Variants in CDH18 observed in about 807,000 individuals in gnomAD.
The protein encoded by CDH18 is cadherin 18.
CDH18 carries 31 observed loss-of-function variants against 67.9 expected under a neutral mutation model. The ratio of observed to expected loss-of-function variants is 0.46; its 90% CI spans 0.34 to 0.62. CDH18 has a LOEUF of 0.62. Among genes scored for constraint, CDH18 ranks in the 20% least tolerant of loss-of-function variants. The pLI is 0.01. For missense variants in CDH18, 890 were observed against 975.5 expected (o/e 0.91, Z 1.17); for synonymous variants, 362 against 347.2 (o/e 1.04, Z -0.48).
intron 2 of CDH18, among the ~76,000 whole-genome samples, chr5:20,161,743 G>A (rs745614752): frequency 5.3e-5 from 8 of 152,104 alleles, no homozygotes; most frequent in East Asian, 1.9e-4. Context: ...CTGTGAGCTC[G>A]TTTTCCACTG....
At chr5:20,179,215 G>A (rs1468819801) in intron 2 of CDH18, among the ~76,000 whole-genome samples, 1 of 152,048 alleles carries the variant, frequency 6.6e-6, no homozygotes, top group African/African-American at 2.4e-5. Flanking sequence ...ATATGAAGAA[G>A]CTTCCATGAA....
intron 2 of CDH18, among the ~76,000 whole-genome samples, chr5:20,004,810 A>G (rs1736755334): frequency 6.6e-6 from 1 of 152,218 alleles, no homozygotes; most frequent in South Asian, 2.1e-4. Flanking sequence ...ACATGAATAT[A>G]AAGAGGAATA....
At chr5:19,535,119 T>C (rs186142098) in intron 9 of CDH18, among the ~76,000 whole-genome samples, 20 of 152,314 alleles carry the variant, frequency 1.3e-4, no homozygotes, top group African/African-American at 4.6e-4. Flanking sequence ...TGTTCCCTTA[T>C]TACTGAGCCA....
chr5:19,594,425 A>G (rs1745837185), intron 6 of CDH18, among the ~76,000 whole-genome samples: 1 of 152,152 alleles, frequency 6.6e-6, no homozygotes, highest in Non-Finnish European at 1.5e-5. Context: ...TGCTGGGATT[A>G]CAGGCATGAG....
chr5:20,172,229 T>TATATATGTATATATATATATAC (rs1736865957), intron 2 of CDH18, among the ~76,000 whole-genome samples: 2 of 118,032 alleles, frequency 1.7e-5, no homozygotes, highest in Non-Finnish European at 3.4e-5. Flanking sequence ...TATATGTATA[T>TATATATGTATATATATATATAC]ATATATATAT....
intron 5 of CDH18, among the ~76,000 whole-genome samples, chr5:19,694,763 T>C (rs1466352585): frequency 1.3e-5 from 2 of 151,728 alleles, no homozygotes; most frequent in Non-Finnish European, 2.9e-5. Flanking sequence ...TATTGAATGT[T>C]AGTGATGATT....
chr5:20,116,548 T>G (rs975008467), intron 2 of CDH18, among the ~76,000 whole-genome samples: 1 of 152,036 alleles, frequency 6.6e-6, no homozygotes, highest in Non-Finnish European at 1.5e-5. Context: ...TCATTTTCAA[T>G]GGAATTATGA....
chr5:20,210,805 T>C (rs1306629188), intron 2 of CDH18, among the ~76,000 whole-genome samples: 4 of 152,058 alleles, frequency 2.6e-5, no homozygotes, highest in Non-Finnish European at 4.4e-5. Context: ...TTATTACTAC[T>C]AAGTTATCTG....
intron 3 of CDH18, among the ~76,000 whole-genome samples, chr5:19,752,083 C>G (rs1221262618): frequency 6.6e-6 from 1 of 152,060 alleles, no homozygotes; most frequent in Non-Finnish European, 1.5e-5. Flanking sequence ...AACTGAAGGT[C>G]TAGTTTATAG....
intron 1 of CDH18, among the ~76,000 whole-genome samples, chr5:20,387,602 A>G (rs930425018): frequency 1.3e-5 from 2 of 151,868 alleles, no homozygotes; most frequent in African/African-American, 4.8e-5. Flanking sequence ...TTCCAACACT[A>G]TGTTGAATAG....
intron 5 of CDH18, among the ~76,000 whole-genome samples, chr5:19,703,573 C>A (rs1763551170): frequency 1.3e-5 from 2 of 151,974 alleles, no homozygotes; most frequent in African/African-American, 4.8e-5. Flanking sequence ...TTGTGGAGGA[C>A]ACAGGGCAAA....
At chr5:19,860,341 T>G (rs1784759973) in intron 2 of CDH18, among the ~76,000 whole-genome samples, 1 of 152,140 alleles carries the variant, frequency 6.6e-6, no homozygotes, top group South Asian at 2.1e-4. Flanking sequence ...ATTTTCATTC[T>G]ACATCTCCAA....
intron 5 of CDH18, among the ~76,000 whole-genome samples, chr5:19,681,240 C>T (rs797021367): frequency 7.9e-4 from 120 of 151,730 alleles, no homozygotes; most frequent in African/African-American, 2.8e-3. Context: ...GACTTAAGAG[C>T]GCAAGGTGGG....
intron 2 of CDH18, among the ~76,000 whole-genome samples, chr5:20,100,143 C>T (rs915679625): frequency 1.3e-5 from 2 of 151,988 alleles, no homozygotes; most frequent in Non-Finnish European, 2.9e-5. Context: ...GGTCTACTTC[C>T]TAGTGAACAA....
chr5:19,745,908 AATATATATAC>A (rs1169205044), intron 4 of CDH18, among the ~76,000 whole-genome samples: 4 of 151,914 alleles, frequency 2.6e-5, no homozygotes, highest in South Asian at 2.1e-4. Flanking sequence ...ATTTTTAAAA[AATATATATAC>A]ATATATATAC....
At chr5:19,859,817 C>A (rs1042523336) in intron 2 of CDH18, among the ~76,000 whole-genome samples, 1 of 152,146 alleles carries the variant, frequency 6.6e-6, no homozygotes, top group South Asian at 2.1e-4. Context: ...CCACCTTGGG[C>A]ACATGTTCTC....
intron 9 of CDH18, among the ~76,000 whole-genome samples, chr5:19,536,744 G>A (rs1749478542): frequency 6.6e-6 from 1 of 152,170 alleles, no homozygotes; most frequent in African/African-American, 2.4e-5. Flanking sequence ...CTCAACCACA[G>A]AGTGTCTGAT....
At chr5:19,518,658 T>C (rs1182332226) in intron 10 of CDH18, among the ~76,000 whole-genome samples, 1 of 152,176 alleles carries the variant, frequency 6.6e-6, no homozygotes, top group African/African-American at 2.4e-5. Context: ...AGATTTGGAT[T>C]CTTGGACTTA....
At chr5:20,201,960 T>G (rs1739484102) in intron 2 of CDH18, among the ~76,000 whole-genome samples, 1 of 152,084 alleles carries the variant, frequency 6.6e-6, no homozygotes, top group Admixed American at 6.6e-5. Flanking sequence ...TGAAATTGAT[T>G]CCAGAAACAG....
Sources: allele counts gnomAD v4.1 joint callset (sites outside exome capture counted in the v4.1 genomes callset), GRCh38; gene constraint gnomAD v4.1.1; transcripts MANE v1.5; gene names NCBI Gene and HGNC (gene_info 2026-07-23, HGNC 2026-07-21).